Variants in PTP4A3 observed in about 807,000 individuals in gnomAD.
PTP4A3 encodes protein tyrosine phosphatase type IVA 3.
Under a neutral mutation model 15.2 loss-of-function variants are expected in PTP4A3, and 9 were observed. The ratio of observed to expected loss-of-function variants is 0.59; its 90% CI spans 0.36 to 1.03. PTP4A3 has a LOEUF of 1.03. Among genes scored for constraint, PTP4A3 ranks in the 50% least tolerant of loss-of-function variants. The pLI, the probability that PTP4A3 is intolerant of heterozygous loss-of-function variation, is 0.02. For synonymous variants in PTP4A3, 95 were observed against 102.0 expected (o/e 0.93, Z 0.41); for missense variants, 234 against 252.1 (o/e 0.93, Z 0.49).
intron 1 of PTP4A3, among the ~76,000 whole-genome samples, chr8:141,396,920 G>T (rs998364156): frequency 6.6e-6 from 1 of 152,178 alleles, no homozygotes; most frequent in African/African-American, 2.4e-5. Flanking sequence ...AACAGCCTGG[G>T]CTGTGCTCTC....
intron 4 of PTP4A3, 88 bp from the exon 5 acceptor site, chr8:141,427,662 C>T (rs1229263732): frequency 1.7e-6 from 2 of 1,200,828 alleles, no homozygotes; most frequent in African/African-American, 1.5e-5. Flanking sequence ...CCCTTGGGCC[C>T]CCGTGCCCTG....
rs752190427 is a variant in PTP4A3, at chr8:141,426,946, C to T, written c.206C>T (p.Pro69Leu). 20 of 1,611,140 alleles carry T rather than the reference C, an allele frequency of 1.2e-5. No individual in the cohort carries two copies. The highest frequency in any genetic ancestry group is 1.6e-4 in the Middle Eastern group (1 of 6,074). ...EKDGITVVDW[P>L]FDDGAPPPGK... Reference sequence around the variant, plus strand: ...GTCTGCTTCCCTCCGTAGGACTGGCCGTTTGACGATGGGGCGCCCCCGCCC... The same window carrying T: ...GTCTGCTTCCCTCCGTAGGACTGGCTGTTTGACGATGGGGCGCCCCCGCCC... The change falls in exon 4 of 6, where the codon CCG (proline) becomes CTG (leucine). Residue 69 changes from proline to leucine, a missense_variant. Coordinates refer to ENST00000521578, the MANE Select transcript of PTP4A3 (RefSeq NM_032611.3).
At chr8:141,430,576 C>T (rs1447477670) in intron 5 of PTP4A3, among the ~76,000 whole-genome samples, 3 of 152,202 alleles carry the variant, frequency 2.0e-5, no homozygotes, top group Non-Finnish European at 4.4e-5. Flanking sequence ...ACAGGCCCCC[C>T]TTCCTGGATG....
At chr8:141,427,634 G>A (rs1324158236) in intron 4 of PTP4A3, 116 bp from the exon 5 acceptor site, 3 of 864,126 alleles carry the variant, frequency 3.5e-6, no homozygotes, top group African/African-American at 3.5e-5. Flanking sequence ...GGAGCTTCAG[G>A]CAGGGGGGAT....
At chr8:141,423,658 G>C in intron 2 of PTP4A3, among the ~76,000 whole-genome samples, 1 of 150,914 alleles carries the variant, frequency 6.6e-6, no homozygotes, top group East Asian at 2.0e-4. Flanking sequence ...TCAGGGCTTA[G>C]TGTGTGACCA....
chr8:141,414,640 G>A (rs1161956569), intron 1 of PTP4A3, among the ~76,000 whole-genome samples: 1 of 151,036 alleles, frequency 6.6e-6, no homozygotes, highest in Non-Finnish European at 1.5e-5. Flanking sequence ...GGTAGGGACT[G>A]TTGGGCAGCC....
At position 141,426,926 on chromosome 8, in the gene PTP4A3, C is replaced by T. The variant is rs768797271; in HGVS notation, c.199-13C>T. 13 of 1,610,086 alleles carry T rather than the reference C, an allele frequency of 8.1e-6. No individual in the cohort carries two copies. Among genetic ancestry groups the T allele is most frequent in the Middle Eastern group, 1.6e-4 (1 of 6,074 alleles). On this transcript the variant is annotated splice_polypyrimidine_tract_variant and intron_variant, in intron 3 of 5. Transcript: ENST00000521578. The stretch of plus-strand genomic sequence containing the variant: ...CCTCAGCCGGGGGTCCTCATGTCTG[C>T]TTCCCTCCGTAGGACTGGCCGTTTG...
rs1052286007 is a variant in PTP4A3 at position 141,425,422 on chromosome 8, T to C, written c.198+282T>C. 1.1e-4 allele frequency among the ~76,000 whole-genome samples: 17 copies of C among 151,892 alleles called. No homozygotes were observed. The highest frequency in any genetic ancestry group is 2.5e-4 in the Non-Finnish European group (17 of 67,928). On this transcript the variant is annotated intron_variant, in intron 3 of 5. Coordinates refer to ENST00000521578, the MANE Select transcript of PTP4A3 (RefSeq NM_032611.3). This position sits in a 1 kb window ranked among gnomAD's most constrained non-coding sequence, Gnocchi z 4.2. ...CACATGCTTGGTGCATCGGCCAAGG[T>C]GGCGGGTGGGCTCCTCTGCCTGTCT...
chr8:141,416,154 T>C (rs1481319294), intron 1 of PTP4A3, among the ~76,000 whole-genome samples: 2 of 152,094 alleles, frequency 1.3e-5, no homozygotes, highest in Non-Finnish European at 2.9e-5. Context: ...TGTCTGGTTG[T>C]AGCATCACAG....
At position 141,425,531 on chromosome 8, in the gene PTP4A3, C is replaced by T. The variant is rs2130257987; in HGVS notation, c.198+391C>T. On this transcript the variant is annotated intron_variant, in intron 3 of 5. Transcript: ENST00000521578. This position sits in a 1 kb window ranked among gnomAD's most constrained non-coding sequence, Gnocchi z 4.2. ...GGCCCTGTTGCCAGGCAGCAGGCTCCTGGGGAGGGCCCTTGGGCAGTTTCC... is the reference window on the plus strand; with the variant it reads ...GGCCCTGTTGCCAGGCAGCAGGCTCTTGGGGAGGGCCCTTGGGCAGTTTCC... Among the ~76,000 whole-genome samples the T allele has an allele frequency of 6.8e-6, 1 of 146,286 alleles. No homozygotes were observed. The highest frequency in any genetic ancestry group is 1.5e-5 in the Non-Finnish European group (1 of 67,260).
In PTP4A3 at chr8:141,425,186, GAGGGT is replaced by G; in HGVS notation, c.198+47_198+51del. 8.3e-6 allele frequency: 12 copies of G among 1,438,480 alleles called. No homozygotes were observed. Among genetic ancestry groups the G allele is most frequent in the East Asian group, 2.3e-5 (1 of 43,286 alleles). The allele number at this position is 1,438,480 out of a possible 1,614,324, so 89.1% of individuals were successfully genotyped here. On this transcript the variant is annotated intron_variant, in intron 3 of 5. Transcript: ENST00000521578. The surrounding 1 kb of genome is among the most constrained non-coding windows in gnomAD (Gnocchi z 4.2). ...ACCCTAGTCACTGCTGCCACCGGGGGAGGGTGGGGCGGGGGGCTCCGGGCCTGCGC... is the reference window on the plus strand; with the variant it reads ...ACCCTAGTCACTGCTGCCACCGGGGGGGGGCGGGGGGCTCCGGGCCTGCGC...
chr8:141,426,513 G>A, intron 3 of PTP4A3: 3 of 985,428 alleles, frequency 3.0e-6, no homozygotes, highest in Non-Finnish European at 2.4e-6. Context: ...AGCCATCTTT[G>A]CATGCCAGCA....
chr8:141,393,548 C>A (rs149879040), intron 1 of PTP4A3, among the ~76,000 whole-genome samples: 1 of 152,198 alleles, frequency 6.6e-6, no homozygotes, highest in African/African-American at 2.4e-5. Flanking sequence ...GCTGGCTGAG[C>A]GGGGCAGGTT....
intron 1 of PTP4A3, among the ~76,000 whole-genome samples, chr8:141,408,496 G>A (rs1160077284): frequency 2.0e-5 from 3 of 152,078 alleles, no homozygotes; most frequent in Admixed American, 1.3e-4. Flanking sequence ...ATGGGCGCCC[G>A]TAATTCCAGC....
rs917034410 is a variant in PTP4A3 at position 141,421,969 on chromosome 8, G to A, written c.-272G>A. 2 of 433,256 alleles carry A rather than the reference G, an allele frequency of 4.6e-6. No homozygotes were observed. Among genetic ancestry groups the A allele is most frequent in the Non-Finnish European group, 8.2e-6 (2 of 244,728 alleles). 26.8% of individuals were successfully genotyped at this position (433,256 alleles called of 1,614,324 possible). On this transcript the variant is annotated 5_prime_UTR_variant, in exon 2 of 6. Transcript: ENST00000521578. ...CCCGCTTTACTTTGGTTGGGTTGGG[G>A]GGGGCGGCGGGCTGTTTTGTTCCTT...
intron 1 of PTP4A3, among the ~76,000 whole-genome samples, chr8:141,418,572 C>T (rs1281083639): frequency 6.6e-6 from 1 of 152,222 alleles, no homozygotes; most frequent in Admixed American, 6.5e-5. Flanking sequence ...GGCTCTGGGC[C>T]TGCTGGCCCG....
At chr8:141,405,584 G>A (rs1303065732) in intron 1 of PTP4A3, among the ~76,000 whole-genome samples, 1 of 152,204 alleles carries the variant, frequency 6.6e-6, no homozygotes, top group African/African-American at 2.4e-5. Flanking sequence ...CCACTCACAG[G>A]ACAGTCGAAT....
chr8:141,414,742 T>C (rs1439120528), intron 1 of PTP4A3, among the ~76,000 whole-genome samples: 1 of 150,568 alleles, frequency 6.6e-6, no homozygotes, highest in East Asian at 2.0e-4. Flanking sequence ...GGGATAAGGG[T>C]GGACTTCTTA....
chr8:141,421,884 T>A lies in PTP4A3; in HGVS notation c.-357T>A, dbSNP rs1490356068. On this transcript the variant is annotated 5_prime_UTR_variant, in exon 2 of 6. Coordinates refer to ENST00000521578, the MANE Select transcript of PTP4A3 (RefSeq NM_032611.3). ...TTCTTTGCTGAGCTTTTTTGGTTGT[T>A]CTTTTTATTTTTTGCCTCTTTATGA... is the stretch of plus-strand genomic sequence containing the variant. 1 of 223,850 alleles carries A rather than the reference T, an allele frequency of 4.5e-6. No homozygotes were observed. The highest frequency in any genetic ancestry group is 8.7e-6 in the Non-Finnish European group (1 of 115,502). 13.9% of individuals were successfully genotyped at this position (223,850 alleles called of 1,614,324 possible).
Sources: allele counts gnomAD v4.1 joint callset (sites outside exome capture counted in the v4.1 genomes callset), GRCh38; gene constraint gnomAD v4.1.1; non-coding constraint Gnocchi (gnomAD v3.1); transcripts MANE v1.5; gene names NCBI Gene and HGNC (gene_info 2026-07-23, HGNC 2026-07-21).